TANC2: variants seen among roughly 807,000 people sequenced by gnomAD.
The protein encoded by TANC2 is tetratricopeptide repeat, ankyrin repeat and coiled-coil containing 2, also known as protein TANC2.
In TANC2, 26 loss-of-function variants were observed where a neutral mutation model predicts 210.5. The ratio of observed to expected loss-of-function variants is 0.12; its 90% CI spans 0.09 to 0.17. The LOEUF is 0.17. Ranked by LOEUF, TANC2 falls within the 10% of genes least tolerant of loss-of-function variation. The pLI, the probability that TANC2 is intolerant of heterozygous loss-of-function variation, is 1.00. For synonymous variants in TANC2, 931 were observed against 967.1 expected (o/e 0.96, Z 0.69); for missense variants, 2,129 against 2,608.9 (o/e 0.82, Z 4.01).
At chr17:63,225,060 C>T (rs1022893344) in intron 7 of TANC2, among the ~76,000 whole-genome samples, 2 of 152,124 alleles carry the variant, frequency 1.3e-5, no homozygotes, top group African/African-American at 4.8e-5. Flanking sequence ...TCCCTCTACC[C>T]TTCACAGACC....
At chr17:63,007,178 A>G (rs1020652926) in intron 1 of TANC2, among the ~76,000 whole-genome samples, 3 of 152,202 alleles carry the variant, frequency 2.0e-5, no homozygotes, top group African/African-American at 7.2e-5. Context: ...GCAGTGAGCT[A>G]TAATCACACC....
In TANC2 at chr17:63,331,986, ACTT is replaced by A. The variant is rs751691400; in HGVS notation, c.1576-8110_1576-8108del. ...GACGTATTTTCAAAACTACATATTT[ACTT>A]CTTCAAGATCTTCGATGCTGTCATC... On this transcript the variant is annotated intron_variant, in intron 11 of 27. Transcript: ENST00000689528. The A allele has an allele frequency of 2.1e-5, 6 of 287,826 alleles. No homozygotes were observed. The East Asian group carries it at 5.8e-4, about 28-fold the overall frequency. The allele number at this position is 287,826 out of a possible 1,614,324, so 17.8% of individuals were successfully genotyped here.
At chr17:63,151,302 C>A in exon 5 of TANC2, 1 of 985,690 alleles carries the variant, frequency 1.0e-6, no homozygotes, top group South Asian at 4.7e-5. Context: ...TGTTGAGAGC[C>A]CACGAATTCC....
rs1235471515 is a variant in TANC2, at chr17:63,358,384, T to A, written c.2582+2994T>A. Among the ~76,000 whole-genome samples, 823 of 149,532 alleles carry A rather than the reference T, an allele frequency of 5.5e-3. 7 individuals are homozygous for A. The highest frequency in any genetic ancestry group is 0.018 in the African/African-American group (735 of 40,052). ...GAGAGAGAGAGAGAGAGAGTATGTG[T>A]GTGTGTGTGTGTGTGTGTGTGTGTG... On this transcript the variant is annotated intron_variant, in intron 14 of 27. Coordinates refer to ENST00000689528, the Ensembl canonical transcript of TANC2.
intron 7 of TANC2, among the ~76,000 whole-genome samples, chr17:63,215,153 G>A (rs1299985691): frequency 6.6e-6 from 1 of 152,118 alleles, no homozygotes; most frequent in East Asian, 1.9e-4. Context: ...TTATCAAGAG[G>A]AAATAACCTA....
At chr17:63,083,400 C>T (rs2036848689) in intron 3 of TANC2, among the ~76,000 whole-genome samples, 1 of 152,086 alleles carries the variant, frequency 6.6e-6, no homozygotes, top group Non-Finnish European at 1.5e-5. Context: ...TCACCACTAC[C>T]ATATCCGCCT....
intron 2 of TANC2, among the ~76,000 whole-genome samples, chr17:63,048,537 C>G (rs2035464219): frequency 6.6e-6 from 1 of 152,116 alleles, no homozygotes; most frequent in Admixed American, 6.5e-5. Context: ...CCAGTTATCC[C>G]AGTACCATTT....
intron 5 of TANC2, among the ~76,000 whole-genome samples, chr17:63,158,332 T>A (rs2039908678): frequency 6.6e-6 from 1 of 152,240 alleles, no homozygotes; most frequent in South Asian, 2.1e-4. Context: ...GCCTGGAACA[T>A]CAGTTATTGC....
chr17:63,238,360 A>C (rs1014006137), intron 8 of TANC2, among the ~76,000 whole-genome samples: 1 of 152,210 alleles, frequency 6.6e-6, no homozygotes, highest in Non-Finnish European at 1.5e-5. Context: ...CAAACAACTA[A>C]AAGTCTTTTC....
At chr17:63,162,028 G>A (rs1481535092) in intron 5 of TANC2, among the ~76,000 whole-genome samples, 2 of 152,174 alleles carry the variant, frequency 1.3e-5, no homozygotes, top group East Asian at 3.8e-4. Context: ...TTGCAGGCTG[G>A]GCGCGGTGGC....
chr17:62,987,819 G>A (rs2032647659), intron 1 of TANC2, among the ~76,000 whole-genome samples: 1 of 152,144 alleles, frequency 6.6e-6, no homozygotes, highest in Non-Finnish European at 1.5e-5. Context: ...GGGGCAAGGA[G>A]TACAGGGAAG....
intron 21 of TANC2, among the ~76,000 whole-genome samples, chr17:63,409,975 T>C (rs2048638454): frequency 6.6e-6 from 1 of 152,238 alleles, no homozygotes; most frequent in Admixed American, 6.5e-5. Context: ...AAATCCAAAA[T>C]GCTGCAATGA....
intron 11 of TANC2, chr17:63,332,305 C>G: frequency 6.0e-6 from 2 of 331,480 alleles, no homozygotes; most frequent in Non-Finnish European, 1.2e-5. Flanking sequence ...CTCCCCTTCC[C>G]CTGCTATTCC....
At chr17:63,161,550 T>C (rs1223376236) in intron 5 of TANC2, among the ~76,000 whole-genome samples, 1 of 152,166 alleles carries the variant, frequency 6.6e-6, no homozygotes, top group Admixed American at 6.5e-5. Flanking sequence ...ATTCTGTGAC[T>C]CCAAGTTATC....
chr17:63,296,133 A>G (rs2044529200), intron 9 of TANC2, among the ~76,000 whole-genome samples: 3 of 152,200 alleles, frequency 2.0e-5, no homozygotes, highest in South Asian at 2.1e-4. Flanking sequence ...AAGAAGCTCT[A>G]AGAATCAGTC....
At chr17:63,248,273 C>T (rs1440548134) in intron 8 of TANC2, among the ~76,000 whole-genome samples, 1 of 151,746 alleles carries the variant, frequency 6.6e-6, no homozygotes, top group Admixed American at 6.6e-5. Context: ...CTCTGGTGAA[C>T]AGGAATAATT....
At chr17:63,351,541 C>T (rs1181985702) in intron 13 of TANC2, 125 bp downstream of exon 13, 9 of 672,310 alleles carry the variant, frequency 1.3e-5, no homozygotes, top group African/African-American at 3.8e-5. Context: ...GAATAATTCC[C>T]GAAGAATTAA....
At chr17:63,376,431 T>G (rs1037013789) in intron 14 of TANC2, among the ~76,000 whole-genome samples, 4 of 152,178 alleles carry the variant, frequency 2.6e-5, no homozygotes, top group African/African-American at 9.7e-5. Flanking sequence ...GTCTGGCATT[T>G]CCTCTGCTGG....
At chr17:63,385,211 G>A (rs993098317) in intron 15 of TANC2, among the ~76,000 whole-genome samples, 2 of 152,172 alleles carry the variant, frequency 1.3e-5, no homozygotes, top group Non-Finnish European at 2.9e-5. Context: ...TCATATGTAA[G>A]ACATGTCTTC....
Sources: gnomAD v4.1 joint callset for allele counts (sites outside exome capture counted in the v4.1 genomes callset) on GRCh38, gnomAD v4.1.1 for gene constraint, MANE v1.5 for transcripts, NCBI Gene and HGNC (gene_info 2026-07-23, HGNC 2026-07-21) for gene names.